Variants in MGAM2 observed in about 807,000 individuals in gnomAD.
MGAM2 encodes the protein probable maltase-glucoamylase 2.
Under a neutral mutation model 96.1 loss-of-function variants are expected in MGAM2, and 98 were observed. The observed-to-expected ratio is 1.02, with a 90% CI of 0.87 to 1.21. MGAM2 has a LOEUF of 1.21. MGAM2 is among the 50% of genes most tolerant of loss of function. MGAM2 has a pLI of 0.00. For missense variants in MGAM2, 2,055 were observed against 1,182.4 expected (o/e 1.74, Z -10.82); for synonymous variants, 749 against 414.8 (o/e 1.81, Z -9.79).
At chr7:142,156,921 A>G (rs1348522655) in intron 17 of MGAM2, among the ~76,000 whole-genome samples, 2 of 152,192 alleles carry the variant, frequency 1.3e-5, no homozygotes, top group Admixed American at 6.5e-5. Context: ...GAAAATTTTC[A>G]TCTCTGGGTC....
intron 35 of MGAM2, among the ~76,000 whole-genome samples, chr7:142,187,497 T>G (rs1397075138): frequency 6.6e-6 from 1 of 152,216 alleles, no homozygotes; most frequent in Non-Finnish European, 1.5e-5. Context: ...AGTTTTAAAA[T>G]GCCAGGTAAG....
chr7:142,190,955 T>G (rs1272869560), intron 37 of MGAM2, among the ~76,000 whole-genome samples: 6 of 151,966 alleles, frequency 3.9e-5, no homozygotes, highest in African/African-American at 1.5e-4. Flanking sequence ...GGCAACATAA[T>G]GAGACCCTGT....
rs1485759034 is a variant in MGAM2 at position 142,220,926 on chromosome 7, AATAAT to A, written c.6420_6424del (p.Asn2140LysfsTer10). The stretch of plus-strand genomic sequence containing the variant: ...TGATGTTAGCACTAGTACTACTATT[AATAAT>A]ATAAGTACTCCTGTTCAAACAAATA... On this transcript the variant is annotated frameshift_variant, in exon 48 of 48. Coordinates refer to ENST00000477922, the MANE Select transcript of MGAM2 (RefSeq NM_001293626.2). LOFTEE classifies it low-confidence loss of function (END_TRUNC). 8.6e-6 allele frequency: 6 copies of A among 701,594 alleles called. No homozygotes were observed. The highest frequency in any genetic ancestry group is 4.0e-5 in the Admixed American group (2 of 49,768). 43.5% of individuals were successfully genotyped at this position (701,594 alleles called of 1,614,324 possible).
At chr7:142,158,217 A>G (rs1332305313) in intron 18 of MGAM2, 31 bp from the exon 19 acceptor site, 1 of 702,822 alleles carries the variant, frequency 1.4e-6, no homozygotes, top group Admixed American at 2.0e-5. Flanking sequence ...TAGAGACTTC[A>G]CCTGCCTTCA....
At chr7:142,178,384 G>T (rs1384348367) in intron 32 of MGAM2, among the ~76,000 whole-genome samples, 2 of 152,098 alleles carry the variant, frequency 1.3e-5, no homozygotes, top group Admixed American at 6.6e-5. Flanking sequence ...GTCAATTTTT[G>T]GTTTCATTGC....
intron 47 of MGAM2, among the ~76,000 whole-genome samples, chr7:142,218,774 TC>T (rs1023589104): frequency 1.3e-5 from 2 of 152,170 alleles, no homozygotes; most frequent in Non-Finnish European, 2.9e-5. Context: ...CCTGATGAGA[TC>T]CTCTCCATGT....
intron 7 of MGAM2, among the ~76,000 whole-genome samples, chr7:142,134,909 A>T (rs1211900811): frequency 6.6e-6 from 1 of 152,220 alleles, no homozygotes; most frequent in African/African-American, 2.4e-5. Context: ...CAGACATAAA[A>T]TATTACCCTT....
intron 47 of MGAM2, among the ~76,000 whole-genome samples, chr7:142,219,078 G>A (rs997997240): frequency 6.6e-6 from 1 of 152,004 alleles, no homozygotes; most frequent in East Asian, 1.9e-4. Flanking sequence ...CCCTACTAGA[G>A]GATTCTAGAA....
intron 46 of MGAM2, 105 bp downstream of exon 46, chr7:142,208,727 T>C (rs1797487120): frequency 1.6e-6 from 1 of 619,330 alleles, no homozygotes. Flanking sequence ...AATAGGAGGT[T>C]CTTCTTGCCT....
At chr7:142,160,539 G>T (rs1356062393) in intron 21 of MGAM2, among the ~76,000 whole-genome samples, 1 of 152,004 alleles carries the variant, frequency 6.6e-6, no homozygotes, top group African/African-American at 2.4e-5. Flanking sequence ...CCTATGGCCA[G>T]AAATTGTCCT....
At chr7:142,160,997 A>C in intron 21 of MGAM2, 128 bp from the exon 22 acceptor site, 1 of 559,610 alleles carries the variant, frequency 1.8e-6, no homozygotes, top group East Asian at 3.0e-5. Flanking sequence ...GTGTCCACCC[A>C]ATATCAACAT....
intron 15 of MGAM2, among the ~76,000 whole-genome samples, chr7:142,151,810 G>A (rs10270056): frequency 0.35 from 52,803 of 152,094 alleles, 9,581 homozygotes; most frequent in East Asian, 0.62. Context: ...TCTCTGGCCA[G>A]GCATAATGGC....
At chr7:142,177,755 T>G (rs1796420254) in intron 32 of MGAM2, among the ~76,000 whole-genome samples, 2 of 152,236 alleles carry the variant, frequency 1.3e-5, no homozygotes, top group South Asian at 4.1e-4. Context: ...CATATTTTCT[T>G]TATCCAATCC....
chr7:142,139,636 G>T lies in MGAM2; in HGVS notation c.1086+969G>T, dbSNP rs369571017. Among the ~76,000 whole-genome samples, 42 of 150,164 alleles carry T rather than the reference G, an allele frequency of 2.8e-4. 1 individual carries two copies. Among genetic ancestry groups the T allele is most frequent in the African/African-American group, 1.0e-3 (42 of 40,684 alleles). On this transcript the variant is annotated intron_variant, in intron 10 of 47. Transcript: ENST00000477922. ...GATCGCGCCACTACACTCCAGCCTG[G>T]GTGACAGAGTGAGGCTCTATCTCAA...
intron 37 of MGAM2, among the ~76,000 whole-genome samples, chr7:142,191,274 T>A (rs1440873936): frequency 6.6e-6 from 1 of 152,228 alleles, no homozygotes; most frequent in Non-Finnish European, 1.5e-5. Context: ...AGCACATTTT[T>A]AAAAGTTTTT....
At chr7:142,147,435 C>T in intron 14 of MGAM2, 21 bp from the exon 15 acceptor site, 1 of 695,382 alleles carries the variant, frequency 1.4e-6, no homozygotes, top group Non-Finnish European at 2.6e-6. Context: ...AAGTGCCTCA[C>T]TAATGAGTAT....
intron 7 of MGAM2, among the ~76,000 whole-genome samples, chr7:142,136,235 CA>C (rs1795057055): frequency 6.6e-6 from 1 of 152,172 alleles, no homozygotes; most frequent in African/African-American, 2.4e-5. Context: ...TCAATGAAAT[CA>C]TACAATATAT....
At chr7:142,182,969 T>G (rs1796585682) in intron 32 of MGAM2, among the ~76,000 whole-genome samples, 1 of 152,176 alleles carries the variant, frequency 6.6e-6, no homozygotes, top group Non-Finnish European at 1.5e-5. Context: ...TTTTGTAGTA[T>G]AGAAAGGCTC....
intron 31 of MGAM2, among the ~76,000 whole-genome samples, chr7:142,174,962 A>G (rs1470509979): frequency 6.6e-6 from 1 of 152,052 alleles, no homozygotes; most frequent in Non-Finnish European, 1.5e-5. Context: ...CAGGTGATCC[A>G]CCTGCCTCGG....
Sources: allele counts gnomAD v4.1 joint callset (sites outside exome capture counted in the v4.1 genomes callset), GRCh38; gene constraint gnomAD v4.1.1; transcripts MANE v1.5; gene names NCBI Gene and HGNC (gene_info 2026-07-23, HGNC 2026-07-21).